SPNS2: variants seen among roughly 807,000 people sequenced by gnomAD.
SPNS2 encodes sphingosine-1-phosphate transporter SPNS2.
SPNS2 carries 37 observed loss-of-function variants against 57.6 expected under a neutral mutation model. The ratio of observed to expected loss-of-function variants is 0.64; its 90% confidence interval spans 0.49 to 0.85. The LOEUF is 0.85. SPNS2 is among the 40% of genes least tolerant of loss of function. The pLI, the probability that SPNS2 is intolerant of heterozygous loss-of-function variation, is 0.00. For synonymous variants in SPNS2, 440 were observed against 346.9 expected (o/e 1.27, Z -2.98); for missense variants, 831 against 779.1 (o/e 1.07, Z -0.79).
chr17:4,530,395 C>T (rs940823810), intron 3 of SPNS2, among the ~76,000 whole-genome samples: 1 of 152,170 alleles, frequency 6.6e-6, no homozygotes, highest in Non-Finnish European at 1.5e-5. Context: ...GGGATAGTCC[C>T]GTCCCATACC....
rs977629870 is a variant in SPNS2 at position 4,510,754 on chromosome 17, G to A, written c.371-2493G>A. Among the ~76,000 whole-genome samples the A allele has an allele frequency of 1.3e-5, 2 of 152,112 alleles. No homozygotes were observed. The highest frequency in any genetic ancestry group is 4.8e-5 in the African/African-American group (2 of 41,408). The stretch of plus-strand genomic sequence containing the variant: ...CTGAGTCCTGGAGATGACCGGCCAC[G>A]GCTCCTGCCTGGCTTGTGGTCTAGT... On this transcript the variant is annotated intron_variant, in intron 1 of 12. Coordinates refer to ENST00000329078, the MANE Select transcript of SPNS2 (RefSeq NM_001124758.3). This position sits in a 1 kb window ranked among gnomAD's most constrained non-coding sequence, Gnocchi z 4.4.
At chr17:4,508,002 C>T (rs1160344015) in intron 1 of SPNS2, among the ~76,000 whole-genome samples, 5 of 152,248 alleles carry the variant, frequency 3.3e-5, no homozygotes, top group East Asian at 1.9e-4. Flanking sequence ...TGACTCCTCT[C>T]GGGGCTACTG....
rs1904414436 is a variant in SPNS2, at chr17:4,499,831, C to T, written c.370+414C>T. 1.3e-5 allele frequency among the ~76,000 whole-genome samples: 2 copies of T among 152,214 alleles called. No individual in the cohort carries two copies. The highest frequency in any genetic ancestry group is 4.8e-5 in the African/African-American group (2 of 41,466). On this transcript the variant is annotated intron_variant, in intron 1 of 12. Coordinates refer to ENST00000329078, the MANE Select transcript of SPNS2 (RefSeq NM_001124758.3). This position sits in a 1 kb window ranked among gnomAD's most constrained non-coding sequence, Gnocchi z 5.2. ...CCCCAGCCCAGGTCGTCTGTCCGTC[C>T]ATGGCCCGTCAGTTCCTTCCTTTCT...
intron 2 of SPNS2, among the ~76,000 whole-genome samples, chr17:4,514,256 T>C (rs895385301): frequency 1.3e-5 from 2 of 152,188 alleles, no homozygotes. Flanking sequence ...TCTGGGCCCT[T>C]GGCCCTGGAG....
In SPNS2 at chr17:4,532,926, G is replaced by A. The variant is rs145914749; in HGVS notation, c.936-51G>A. The A allele has an allele frequency of 1.5e-3, 2,335 of 1,575,242 alleles. 23 individuals are homozygous for A. In the African/African-American group the frequency reaches 0.027, roughly 18 times the overall value. On this transcript the variant is annotated intron_variant, in intron 6 of 12. Coordinates refer to ENST00000329078, the MANE Select transcript of SPNS2 (RefSeq NM_001124758.3). ...TCCCCCAGTGCATGGGGCTGCCTAG[G>A]GGGGTGAAGGAGGTCCCTGAGCTCA...
chr17:4,525,599 AC>A (rs1347013590), intron 3 of SPNS2, among the ~76,000 whole-genome samples: 1 of 152,198 alleles, frequency 6.6e-6, no homozygotes, highest in East Asian at 1.9e-4. Flanking sequence ...TGGTCTGATG[AC>A]CAGCTGACTT....
In SPNS2 at chr17:4,538,964, G is replaced by A. The variant is rs1274016425; in HGVS notation, c.*1516G>A. 1 of 788,190 alleles carries A rather than the reference G, an allele frequency of 1.3e-6. No individual in the cohort carries two copies. The allele number at this position is 788,190 out of a possible 1,614,324, so 48.8% of individuals were successfully genotyped here. A position where few individuals can be genotyped will look rare whatever the true frequency, so the allele number is the denominator to read the frequency against. On this transcript the variant is annotated 3_prime_UTR_variant, in exon 13 of 13. Transcript: ENST00000329078. ...TTTATTTTTTAGAGCTGCTGATTGT[G>A]AATCTCAGAGTCTTAAGAGAGAAGC...
intron 3 of SPNS2, among the ~76,000 whole-genome samples, chr17:4,529,692 A>T (rs1341588577): frequency 6.6e-6 from 1 of 152,136 alleles, no homozygotes; most frequent in African/African-American, 2.4e-5. Flanking sequence ...AAAAAAAAGA[A>T]ATCAATGCAA....
chr17:4,513,028 C>T (rs1346925844), intron 1 of SPNS2, among the ~76,000 whole-genome samples: 2 of 152,234 alleles, frequency 1.3e-5, no homozygotes. Flanking sequence ...CCCTGCCCCT[C>T]GGGTCCTTGT....
In SPNS2 at chr17:4,530,652, G is replaced by A; in HGVS notation, c.594G>A (p.Leu198=). 1 of 1,613,170 alleles carries A rather than the reference G, an allele frequency of 6.2e-7. No individual in the cohort carries two copies. The highest frequency in any genetic ancestry group is 1.1e-5 in the South Asian group (1 of 90,992). ...IPQQYFWLLV[L]SRGLVGIGEA... ...CACAGTACTTCTGGCTGCTGGTCCT[G>A]TCCCGGGGGCTGGTGGGCATCGGGG... Residue 198 remains leucine (L), a synonymous_variant, in exon 4 of 13, where the codon CTG becomes CTA. Transcript: ENST00000329078.
intron 2 of SPNS2, among the ~76,000 whole-genome samples, chr17:4,515,519 C>T (rs912845539): frequency 1.3e-5 from 2 of 152,190 alleles, no homozygotes; most frequent in Non-Finnish European, 1.5e-5. Flanking sequence ...CTAGTCTGTA[C>T]ACCATGGCCC....
At chr17:4,530,450 G>A (rs531224381) in intron 3 of SPNS2, among the ~76,000 whole-genome samples, 182 bp from the exon 4 acceptor site, 3 of 152,298 alleles carry the variant, frequency 2.0e-5, no homozygotes, top group Admixed American at 6.5e-5. Context: ...ATACAGAGGG[G>A]CAAACTGAGG....
At chr17:4,531,991 T>C (rs777039206) in intron 5 of SPNS2, among the ~76,000 whole-genome samples, 2 of 152,156 alleles carry the variant, frequency 1.3e-5, no homozygotes, top group African/African-American at 4.8e-5. Context: ...AAACAGCACC[T>C]TCCCAGGGCC....
chr17:4,505,446 T>C (rs1175235103), intron 1 of SPNS2, among the ~76,000 whole-genome samples: 2 of 152,194 alleles, frequency 1.3e-5, no homozygotes, highest in Admixed American at 6.5e-5. Context: ...CCTCAGGGCC[T>C]GAGTCTCCAG....
chr17:4,515,948 C>T (rs1358509032), intron 2 of SPNS2, among the ~76,000 whole-genome samples: 2 of 152,224 alleles, frequency 1.3e-5, no homozygotes. Context: ...TAGATGGCTG[C>T]TGGTTTGGAC....
At chr17:4,523,366 A>G (rs145533325) in intron 2 of SPNS2, among the ~76,000 whole-genome samples, 7,158 of 152,222 alleles carry the variant, frequency 0.047, 486 homozygotes, top group African/African-American at 0.15. Flanking sequence ...TGAACCTGGG[A>G]GGCGGAGGTT....
intron 2 of SPNS2, among the ~76,000 whole-genome samples, chr17:4,518,933 A>G (rs903829520): frequency 1.3e-5 from 2 of 152,232 alleles, no homozygotes; most frequent in African/African-American, 4.8e-5. Context: ...CAAGGTTTAC[A>G]TCCTGAGTAG....
At position 4,536,436 on chromosome 17, in the gene SPNS2, G is replaced by GGC. The variant is rs1555538182; in HGVS notation, c.1607+11_1607+12insCG. 14 of 1,595,956 alleles carry GGC rather than the reference G, an allele frequency of 8.8e-6. No homozygotes were observed. Among genetic ancestry groups the GGC allele is most frequent in the Admixed American group, 3.4e-5 (2 of 59,690 alleles). On this transcript the variant is annotated intron_variant, in intron 11 of 12. Coordinates refer to ENST00000329078, the MANE Select transcript of SPNS2 (RefSeq NM_001124758.3). Reference sequence around the variant, plus strand: ...CCAGGGCTGAGCAGCAGTGAGTGGGGGGGAGGGGAGGCCCTGCTGCACCGC... The same window carrying GGC: ...CCAGGGCTGAGCAGCAGTGAGTGGGGGCGGGAGGGGAGGCCCTGCTGCACCGC...
intron 9 of SPNS2, chr17:4,534,522 G>A (rs988760099): frequency 6.5e-6 from 1 of 153,686 alleles, no homozygotes; most frequent in African/African-American, 2.4e-5. Context: ...GCAGGCTCTG[G>A]GGCAGAGAGG....
Sources: gnomAD v4.1 joint callset for allele counts (sites outside exome capture counted in the v4.1 genomes callset) on GRCh38, gnomAD v4.1.1 for gene constraint, Gnocchi (gnomAD v3.1) non-coding constraint, MANE v1.5 for transcripts, NCBI Gene and HGNC (gene_info 2026-07-23, HGNC 2026-07-21) for gene names.